The following NRXN1 variants were observed in gnomAD, a reference collection of about 807,000 sequenced individuals.
The protein encoded by NRXN1 is neurexin 1, also known as neurexin-1.
A neutral mutation model predicts 150.9 loss-of-function variants in NRXN1; 39 were observed. The ratio of observed to expected loss-of-function variants is 0.26; its 90% CI spans 0.20 to 0.34. The LOEUF (loss-of-function observed/expected upper bound fraction) is 0.34. NRXN1 is among the 10% of genes least tolerant of loss of function. The pLI, the probability that NRXN1 is intolerant of heterozygous loss-of-function variation, is 1.00. For synonymous variants in NRXN1, 924 were observed against 757.0 expected (o/e 1.22, Z -3.62); for missense variants, 1,815 against 1,949.9 (o/e 0.93, Z 1.30).
intron 8 of NRXN1, among the ~76,000 whole-genome samples, chr2:50,573,595 C>A (rs1156994953): frequency 6.6e-6 from 1 of 151,976 alleles, no homozygotes; most frequent in East Asian, 1.9e-4. Context: ...ATCCATATTA[C>A]AACCAAGTTA....
At chr2:50,077,716 T>C (rs73932915) in intron 19 of NRXN1, among the ~76,000 whole-genome samples, 10,545 of 152,156 alleles carry the variant, frequency 0.069, 1,240 homozygotes, top group African/African-American at 0.24. Context: ...TTATATCTCA[T>C]AAATCCTGCT....
intron 17 of NRXN1, among the ~76,000 whole-genome samples, chr2:50,412,972 T>C (rs890795117): frequency 1.3e-5 from 2 of 152,202 alleles, no homozygotes; most frequent in African/African-American, 2.4e-5. Flanking sequence ...CCTCAAACTA[T>C]GAAATTACTA....
intron 17 of NRXN1, among the ~76,000 whole-genome samples, chr2:50,451,620 C>T (rs986494573): frequency 6.6e-6 from 1 of 152,160 alleles, no homozygotes; most frequent in Admixed American, 6.5e-5. Context: ...ACCTTGTATA[C>T]ATTTTAAAAC....
intron 5 of NRXN1, among the ~76,000 whole-genome samples, chr2:50,629,497 T>C (rs989688233): frequency 4.6e-5 from 7 of 151,624 alleles, no homozygotes; most frequent in Non-Finnish European, 1.0e-4. Context: ...TGAGGAGAAC[T>C]CTTGGGGTAC....
At chr2:50,568,560 T>C (rs1338343303) in intron 8 of NRXN1, among the ~76,000 whole-genome samples, 1 of 152,178 alleles carries the variant, frequency 6.6e-6, no homozygotes, top group Non-Finnish European at 1.5e-5. Context: ...TCACTGATCA[T>C]CAGAGCAATG....
chr2:50,542,396 C>T (rs1423053090), intron 9 of NRXN1, among the ~76,000 whole-genome samples: 2 of 152,108 alleles, frequency 1.3e-5, no homozygotes, highest in African/African-American at 2.4e-5. Flanking sequence ...AAGACTAGAA[C>T]TTAAATTGAG....
At chr2:50,003,935 C>A (rs1684347990) in intron 21 of NRXN1, among the ~76,000 whole-genome samples, 1 of 152,090 alleles carries the variant, frequency 6.6e-6, no homozygotes, top group African/African-American at 2.4e-5. Flanking sequence ...TCATTTAGAA[C>A]TATTTCCTGA....
At chr2:50,900,587 C>CA (rs1385054590) in intron 5 of NRXN1, among the ~76,000 whole-genome samples, 4 of 152,092 alleles carry the variant, frequency 2.6e-5, no homozygotes, top group Admixed American at 2.6e-4. Flanking sequence ...CTCAAGATAG[C>CA]ATGAACAGAC....
At chr2:50,614,733 CA>C (rs33968907) in intron 8 of NRXN1, among the ~76,000 whole-genome samples, 3,809 of 98,164 alleles carry the variant, frequency 0.039, 104 homozygotes, top group African/African-American at 0.13. Flanking sequence ...ATCAGCCATT[CA>C]AAAAAAAAAA....
intron 18 of NRXN1, among the ~76,000 whole-genome samples, chr2:50,222,072 A>G (rs1292747639): frequency 3.3e-5 from 5 of 152,102 alleles, no homozygotes; most frequent in Admixed American, 3.3e-4. Flanking sequence ...AATGTGTAGA[A>G]GGTGAAGAAC....
chr2:50,024,654 G>C (rs1688020507), intron 21 of NRXN1, among the ~76,000 whole-genome samples: 1 of 151,242 alleles, frequency 6.6e-6, no homozygotes. Context: ...TGGCTCTTTT[G>C]CCCAGGCTGG....
At chr2:50,957,744 T>A (rs200338162) in intron 2 of NRXN1, among the ~76,000 whole-genome samples, 1 of 152,170 alleles carries the variant, frequency 6.6e-6, no homozygotes, top group East Asian at 1.9e-4. Context: ...TTTGTCATGT[T>A]TGATTTCTTG....
intron 7 of NRXN1, 106 bp downstream of exon 7, chr2:50,621,120 C>T (rs1466126683): frequency 2.0e-6 from 2 of 997,168 alleles, no homozygotes; most frequent in Non-Finnish European, 2.9e-6. Context: ...CGCAGTTCCT[C>T]TTTTGTTAAT....
At chr2:50,545,717 A>C (rs527245273) in intron 9 of NRXN1, among the ~76,000 whole-genome samples, 2 of 152,192 alleles carry the variant, frequency 1.3e-5, no homozygotes, top group Non-Finnish European at 2.9e-5. Flanking sequence ...ATTTATGATG[A>C]GAAATTTACT....
At chr2:50,072,617 A>C (rs1696465065) in intron 19 of NRXN1, among the ~76,000 whole-genome samples, 1 of 151,904 alleles carries the variant, frequency 6.6e-6, no homozygotes, top group African/African-American at 2.4e-5. Flanking sequence ...AAAAAAATAA[A>C]ACAGCAACTT....
At chr2:49,932,454 CCTTTT>C (rs1038912681) in intron 22 of NRXN1, among the ~76,000 whole-genome samples, 5 of 152,056 alleles carry the variant, frequency 3.3e-5, no homozygotes, top group Non-Finnish European at 5.9e-5. Flanking sequence ...CCTTTCCTTT[CCTTTT>C]CGCTTTCCTT....
chr2:50,993,213 A>C (rs1698797008), intron 2 of NRXN1, among the ~76,000 whole-genome samples: 1 of 151,946 alleles, frequency 6.6e-6, no homozygotes, highest in African/African-American at 2.4e-5. Flanking sequence ...TTCAATATTT[A>C]TATTGGAAGA....
At chr2:50,540,898 G>A (rs2093374121) in intron 9 of NRXN1, among the ~76,000 whole-genome samples, 1 of 152,170 alleles carries the variant, frequency 6.6e-6, no homozygotes, top group African/African-American at 2.4e-5. Context: ...ATGGCCTCAA[G>A]TGATCCACCC....
intron 2 of NRXN1, among the ~76,000 whole-genome samples, chr2:50,997,619 T>C (rs1457243184): frequency 7.1e-6 from 1 of 140,702 alleles, no homozygotes; most frequent in Non-Finnish European, 1.5e-5. Flanking sequence ...GCCATCCTCC[T>C]GCCTCAGCTT....
Sources: allele counts gnomAD v4.1 joint callset (sites outside exome capture counted in the v4.1 genomes callset), GRCh38; gene constraint gnomAD v4.1.1; transcripts MANE v1.5; gene names NCBI Gene and HGNC (gene_info 2026-07-23, HGNC 2026-07-21).